Variants in TYW5 observed in about 807,000 individuals in gnomAD.
The protein encoded by TYW5 is tRNA-yW synthesizing protein 5.
In TYW5, 36 loss-of-function variants were observed where a neutral mutation model predicts 44.4. The observed-to-expected ratio is 0.81, with a 90% confidence interval of 0.62 to 1.07. The LOEUF (loss-of-function observed/expected upper bound fraction) is 1.07, where lower values mean the gene tolerates loss of function less well. TYW5 is among the 50% of genes least tolerant of loss of function. The pLI is 0.00. For synonymous variants in TYW5, 121 were observed against 128.1 expected (o/e 0.94, Z 0.37); for missense variants, 354 against 365.7 (o/e 0.97, Z 0.26).
intron 5 of TYW5, among the ~76,000 whole-genome samples, chr2:199,938,429 A>C (rs112622209): frequency 5.3e-5 from 8 of 152,142 alleles, no homozygotes; most frequent in African/African-American, 1.9e-4. Flanking sequence ...GACATTCTCA[A>C]GGCATATATA....
Position 199,949,401 on chromosome 2 carries a change from A to C in TYW5, c.79-929T>G, listed in dbSNP as rs1471894678. Among the ~76,000 whole-genome samples, 4 of 152,106 alleles carry C rather than the reference A, an allele frequency of 2.6e-5. No homozygotes were observed. The East Asian group carries it at 7.7e-4, about 29-fold the overall frequency. ...AAACAAAAAACAAAACACTGACATA[A>C]TACTATTATCTAATCTACAGTCCAT... On this transcript the variant is annotated intron_variant, in intron 1 of 7. Coordinates refer to ENST00000354611, the MANE Select transcript of TYW5 (RefSeq NM_001039693.3).
chr2:199,939,893 A>G (rs1373605829), intron 4 of TYW5, among the ~76,000 whole-genome samples, 196 bp downstream of exon 4: 1 of 152,236 alleles, frequency 6.6e-6, no homozygotes, highest in Non-Finnish European at 1.5e-5. Flanking sequence ...AAGATTCTAC[A>G]GGCCTACCTG....
intron 3 of TYW5, 150 bp from the exon 4 acceptor site, chr2:199,940,283 C>T: frequency 1.5e-6 from 1 of 648,550 alleles, no homozygotes; most frequent in East Asian, 3.0e-5. Context: ...AATAAAACAC[C>T]TTCACTTCAA....
At chr2:199,946,991 C>T (rs780852368) in intron 2 of TYW5, 5 of 152,176 alleles carry the variant, frequency 3.3e-5, no homozygotes, top group Non-Finnish European at 7.4e-5. Context: ...AAATAAACAT[C>T]ATTAACTGCC....
chr2:199,930,975 T>G lies in TYW5; in HGVS notation c.*2092A>C, dbSNP rs1225854542. On this transcript the variant is annotated 3_prime_UTR_variant, in exon 8 of 8. Coordinates refer to ENST00000354611, the MANE Select transcript of TYW5 (RefSeq NM_001039693.3). Reference sequence around the variant, plus strand: ...ATACATTAAAAACAAACATCTCATTTGGTCTTAACCCAGTAGGAAGAAAAG... The same window carrying G: ...ATACATTAAAAACAAACATCTCATTGGGTCTTAACCCAGTAGGAAGAAAAG... 6.6e-6 allele frequency: 1 copy of G among 152,246 alleles called. No individual in the cohort carries two copies. Among genetic ancestry groups the G allele is most frequent in the African/African-American group, 2.4e-5 (1 of 41,462 alleles). 9.4% of individuals were successfully genotyped at this position (152,246 alleles called of 1,614,324 possible).
intron 3 of TYW5, chr2:199,941,995 A>G (rs2077468411): frequency 1.3e-5 from 2 of 152,158 alleles, no homozygotes; most frequent in Admixed American, 1.3e-4. Flanking sequence ...CCCCTATCCA[A>G]TCCTGCTTCC....
In TYW5 at chr2:199,940,152, A is replaced by T; in HGVS notation, c.304-19T>A. ...TCTCATCCTTAAACACCCCAGAGAA[A>T]AATAACATCAGCAATATTTTACTTT... On this transcript the variant is annotated intron_variant, in intron 3 of 7. Coordinates refer to ENST00000354611, the MANE Select transcript of TYW5 (RefSeq NM_001039693.3). The T allele has an allele frequency of 1.2e-6, 2 of 1,610,480 alleles. No individual in the cohort carries two copies. The highest frequency in any genetic ancestry group is 1.7e-6 in the Non-Finnish European group (2 of 1,177,924).
At position 199,931,965 on chromosome 2, in the gene TYW5, A is replaced by G. The variant is rs1264753652; in HGVS notation, c.*1102T>C. 6.6e-6 allele frequency: 1 copy of G among 152,156 alleles called. No individual in the cohort carries two copies. The highest frequency in any genetic ancestry group is 1.5e-5 in the Non-Finnish European group (1 of 68,010). The allele number at this position is 152,156 out of a possible 1,614,324, so 9.4% of individuals were successfully genotyped here. A position where few individuals can be genotyped will look rare whatever the true frequency, so the allele number is the denominator to read the frequency against. Reference sequence around the variant, plus strand: ...AAGTAATTTTTCTTTTAAAAAAGGGATAGGTGGAAAAAATAGTTGGGAAAT... The same window carrying G: ...AAGTAATTTTTCTTTTAAAAAAGGGGTAGGTGGAAAAAATAGTTGGGAAAT... On this transcript the variant is annotated 3_prime_UTR_variant, in exon 8 of 8. Transcript: ENST00000354611.
At chr2:199,943,448 G>T in intron 3 of TYW5, 1 of 203,128 alleles carries the variant, frequency 4.9e-6, no homozygotes. Context: ...AACATTTAAT[G>T]CGTAATTTCT....
Position 199,929,345 on chromosome 2 carries a change from TA to T in TYW5, c.*3721del, listed in dbSNP as rs61409296. Among the ~76,000 whole-genome samples the T allele has an allele frequency of 0.021, 3,264 of 151,842 alleles. 40 individuals carry two copies. The highest frequency in any genetic ancestry group is 0.045 in the Middle Eastern group (13 of 292). Reference sequence around the variant, plus strand: ...AGAACTTAAAAGTATAATAAAAAAATAAATAGAGACTACAACTTAGGTATAT... The same window carrying T: ...AGAACTTAAAAGTATAATAAAAAAATAATAGAGACTACAACTTAGGTATAT... On this transcript the variant is annotated 3_prime_UTR_variant, in exon 8 of 8. Coordinates refer to ENST00000354611, the MANE Select transcript of TYW5 (RefSeq NM_001039693.3).
In TYW5 at chr2:199,931,863, A is replaced by AC. The variant is rs1035562649; in HGVS notation, c.*1203dup. On this transcript the variant is annotated 3_prime_UTR_variant, in exon 8 of 8. Transcript: ENST00000354611. ...CTGCAATATAATTACTAGGTACAAAACAAAAGCAGAGATCCACACACAATG... is the reference window on the plus strand; with the variant it reads ...CTGCAATATAATTACTAGGTACAAAACCAAAAGCAGAGATCCACACACAATG... 1 of 147,552 alleles carries AC rather than the reference A, an allele frequency of 6.8e-6. No individual in the cohort carries two copies. Among genetic ancestry groups the AC allele is most frequent in the Non-Finnish European group, 1.5e-5 (1 of 66,196 alleles). The allele number at this position is 147,552 out of a possible 1,614,324, so 9.1% of individuals were successfully genotyped here.
At chr2:199,938,168 C>T (rs1274258442) in intron 5 of TYW5, among the ~76,000 whole-genome samples, 1 of 151,862 alleles carries the variant, frequency 6.6e-6, no homozygotes, top group Non-Finnish European at 1.5e-5. Context: ...GGATTCACGC[C>T]ATTCTCCTGC....
intron 5 of TYW5, 85 bp downstream of exon 5, chr2:199,938,848 C>A (rs2077441652): frequency 7.2e-7 from 1 of 1,385,142 alleles, no homozygotes; most frequent in Non-Finnish European, 9.7e-7. Flanking sequence ...TTTAGGGTAA[C>A]CTATAGGAAG....
chr2:199,929,821 ACT>A lies in TYW5; in HGVS notation c.*3244_*3245del, dbSNP rs1386043908. On this transcript the variant is annotated 3_prime_UTR_variant, in exon 8 of 8. Transcript: ENST00000354611. ...AATGTTATGAAATGCTAATAATTACACTCTGTTTAGTTTTTTTTTTTGAGACA... is the reference window on the plus strand; with the variant it reads ...AATGTTATGAAATGCTAATAATTACACTGTTTAGTTTTTTTTTTTGAGACA... Among the ~76,000 whole-genome samples, 1 of 149,052 alleles carries A rather than the reference ACT, an allele frequency of 6.7e-6. No individual in the cohort carries two copies. The highest frequency in any genetic ancestry group is 2.0e-4 in the East Asian group (1 of 5,102).
chr2:199,937,114 T>C (rs146089255), intron 5 of TYW5, among the ~76,000 whole-genome samples: 2 of 152,132 alleles, frequency 1.3e-5, no homozygotes, highest in Non-Finnish European at 2.9e-5. Context: ...TTTCTTGGTA[T>C]AGATTGTGAA....
chr2:199,945,155 A>C (rs1402766445), intron 2 of TYW5: 1 of 152,152 alleles, frequency 6.6e-6, no homozygotes, highest in African/African-American at 2.4e-5. Context: ...ACCGGTTTCT[A>C]TGGACCATAT....
In TYW5 at chr2:199,938,861, G is replaced by A. The variant is rs554095918; in HGVS notation, c.486+72C>T. ...TGTTTAGGGTAACCTATAGGAAGTT[G>A]AAACTGTGACTGTTAAATCTATAAT... On this transcript the variant is annotated intron_variant, in intron 5 of 7. Transcript: ENST00000354611. 6.1e-6 allele frequency: 9 copies of A among 1,464,562 alleles called. No homozygotes were observed. In the Admixed American group the frequency reaches 1.2e-4, roughly 19 times the overall value. The allele number at this position is 1,464,562 out of a possible 1,614,324, so 90.7% of individuals were successfully genotyped here.
intron 5 of TYW5, 122 bp from the exon 6 acceptor site, chr2:199,936,614 C>CA: frequency 1.4e-6 from 1 of 721,318 alleles, no homozygotes; most frequent in Non-Finnish European, 2.3e-6. Flanking sequence ...ACTTAAGACT[C>CA]TTACAGTTAC....
intron 3 of TYW5, among the ~76,000 whole-genome samples, chr2:199,941,046 T>G (rs542029747): frequency 6.6e-6 from 1 of 152,286 alleles, no homozygotes; most frequent in East Asian, 1.9e-4. Flanking sequence ...TTAAAAAAAT[T>G]ATTTAAATTT....
Sources: allele counts gnomAD v4.1 joint callset (sites outside exome capture counted in the v4.1 genomes callset), GRCh38; gene constraint gnomAD v4.1.1; transcripts MANE v1.5; gene names NCBI Gene and HGNC (gene_info 2026-07-23, HGNC 2026-07-21).